MACROD2: variants seen among roughly 807,000 people sequenced by gnomAD.
MACROD2 encodes the protein ADP-ribose glycohydrolase MACROD2.
A neutral mutation model predicts 70.4 loss-of-function variants in MACROD2; 36 were observed. The observed-to-expected ratio is 0.51, with a 90% CI of 0.39 to 0.68. The LOEUF (loss-of-function observed/expected upper bound fraction) is 0.68, where lower values mean the gene tolerates loss of function less well. MACROD2 is among the 30% of genes least tolerant of loss of function. The pLI is 0.00. For missense variants in MACROD2, 496 were observed against 538.4 expected (o/e 0.92, Z 0.78); for synonymous variants, 172 against 178.8 (o/e 0.96, Z 0.30).
At chr20:15,761,180 G>A (rs537524451) in intron 8 of MACROD2, among the ~76,000 whole-genome samples, 53 of 152,246 alleles carry the variant, frequency 3.5e-4, no homozygotes, top group African/African-American at 1.3e-3. Context: ...CAAGTAGCTG[G>A]GATCACAGGC....
chr20:15,103,212 A>G (rs1362731566), intron 5 of MACROD2, among the ~76,000 whole-genome samples: 3 of 152,120 alleles, frequency 2.0e-5, no homozygotes, highest in Non-Finnish European at 4.4e-5. Context: ...CAAATTATCA[A>G]AGACCCAAGT....
intron 4 of MACROD2, among the ~76,000 whole-genome samples, chr20:14,519,388 T>C (rs2085139654): frequency 6.6e-6 from 1 of 151,850 alleles, no homozygotes; most frequent in Non-Finnish European, 1.5e-5. Flanking sequence ...ACCATGAAAT[T>C]GCACAAACTA....
intron 4 of MACROD2, among the ~76,000 whole-genome samples, chr20:14,633,965 A>C (rs1325888164): frequency 2.6e-5 from 4 of 152,130 alleles, no homozygotes; most frequent in Non-Finnish European, 4.4e-5. Flanking sequence ...TCCTTATTTC[A>C]TCTGAAGTTA....
chr20:15,323,003 A>C lies in MACROD2; in HGVS notation c.540+92942A>C, dbSNP rs1000614536. Among the ~76,000 whole-genome samples, 3 of 140,726 alleles carry C rather than the reference A, an allele frequency of 2.1e-5. No individual in the cohort carries two copies. In the Admixed American group the frequency reaches 2.2e-4, roughly 10 times the overall value. 92.3% of individuals were successfully genotyped at this position (140,726 alleles called of 152,430 possible). ...CCTGTGGTTGTGGCTAAGTTGTTCCATGGTCTCTAATGACCTCAACTATGA... is the reference window on the plus strand; with the variant it reads ...CCTGTGGTTGTGGCTAAGTTGTTCCCTGGTCTCTAATGACCTCAACTATGA... On this transcript the variant is annotated intron_variant, in intron 6 of 17. Transcript: ENST00000684519.
At chr20:14,818,851 T>TTTA in intron 5 of MACROD2, among the ~76,000 whole-genome samples, 1 of 142,242 alleles carries the variant, frequency 7.0e-6, no homozygotes, top group Admixed American at 7.4e-5. Flanking sequence ...TTTTTTTTTT[T>TTTA]GAGAGAGGAG....
intron 3 of MACROD2, among the ~76,000 whole-genome samples, chr20:14,320,408 T>G (rs1256606922): frequency 1.3e-5 from 2 of 152,220 alleles, no homozygotes; most frequent in Non-Finnish European, 2.9e-5. Context: ...CATTCATCTT[T>G]AAGCAATATT....
intron 5 of MACROD2, among the ~76,000 whole-genome samples, chr20:15,053,936 T>C (rs2075462924): frequency 1.3e-5 from 2 of 152,200 alleles, no homozygotes; most frequent in African/African-American, 2.4e-5. Context: ...CTCTTATGGA[T>C]GACTTTGAGA....
intron 5 of MACROD2, among the ~76,000 whole-genome samples, chr20:15,160,099 G>A (rs2076337401): frequency 6.6e-6 from 1 of 151,932 alleles, no homozygotes; most frequent in East Asian, 1.9e-4. Context: ...CCCTTGTAAA[G>A]TTCAAACTGT....
chr20:15,580,822 A>G (rs1361931332), intron 8 of MACROD2, among the ~76,000 whole-genome samples: 1 of 152,118 alleles, frequency 6.6e-6, no homozygotes, highest in East Asian at 1.9e-4. Flanking sequence ...GGGAGGGAGA[A>G]TTTTAGATGA....
At chr20:15,597,208 C>T (rs1257092028) in intron 8 of MACROD2, among the ~76,000 whole-genome samples, 1 of 152,138 alleles carries the variant, frequency 6.6e-6, no homozygotes, top group East Asian at 1.9e-4. Flanking sequence ...CACCTTAAGC[C>T]TAGTGAGAAA....
chr20:14,669,128 A>C (rs1218444803), intron 4 of MACROD2, among the ~76,000 whole-genome samples: 2 of 152,156 alleles, frequency 1.3e-5, no homozygotes, highest in Non-Finnish European at 2.9e-5. Context: ...AATGGAAAGA[A>C]AGAAAGTTGA....
chr20:15,525,853 C>A (rs994817714), intron 8 of MACROD2, among the ~76,000 whole-genome samples: 1 of 152,232 alleles, frequency 6.6e-6, no homozygotes, highest in African/African-American at 2.4e-5. Flanking sequence ...CTGGATACTC[C>A]TTATAGGGTA....
At chr20:15,889,820 A>T (rs1437950989) in intron 10 of MACROD2, among the ~76,000 whole-genome samples, 2 of 152,142 alleles carry the variant, frequency 1.3e-5, no homozygotes, top group Admixed American at 1.3e-4. Context: ...CAGGGGACAA[A>T]GCCATGCTCC....
chr20:14,719,392 T>A (rs1354368314), intron 5 of MACROD2, among the ~76,000 whole-genome samples: 1 of 151,030 alleles, frequency 6.6e-6, no homozygotes. Flanking sequence ...AGTTTAAGAA[T>A]TCCCAAATTC....
chr20:15,839,732 A>G (rs1441921547), intron 8 of MACROD2, among the ~76,000 whole-genome samples: 5 of 152,180 alleles, frequency 3.3e-5, no homozygotes, highest in African/African-American at 9.6e-5. Flanking sequence ...GCTTTGGATA[A>G]TAACAACACA....
intron 5 of MACROD2, among the ~76,000 whole-genome samples, chr20:14,713,563 C>T (rs935407944): frequency 2.0e-5 from 3 of 152,082 alleles, no homozygotes; most frequent in African/African-American, 7.2e-5. Flanking sequence ...CCTCCGAAAC[C>T]CTTTCCTGAT....
At chr20:15,284,371 T>G (rs2146094187) in intron 6 of MACROD2, among the ~76,000 whole-genome samples, 1 of 152,324 alleles carries the variant, frequency 6.6e-6, no homozygotes, top group South Asian at 2.1e-4. Context: ...ATATGTTCCC[T>G]TTTTTCTTGT....
intron 15 of MACROD2, among the ~76,000 whole-genome samples, chr20:16,018,415 T>A (rs1282498341): frequency 6.6e-6 from 1 of 152,212 alleles, no homozygotes; most frequent in African/African-American, 2.4e-5. Context: ...ATACTCTTTA[T>A]AGTAGCTGTT....
chr20:15,017,646 A>G (rs1405417938), intron 5 of MACROD2, among the ~76,000 whole-genome samples: 1 of 152,162 alleles, frequency 6.6e-6, no homozygotes, highest in Non-Finnish European at 1.5e-5. Flanking sequence ...CCCTGCAGCA[A>G]ACTTCTTCCT....
Sources: allele counts gnomAD v4.1 joint callset (sites outside exome capture counted in the v4.1 genomes callset), GRCh38; gene constraint gnomAD v4.1.1; transcripts MANE v1.5; gene names NCBI Gene and HGNC (gene_info 2026-07-23, HGNC 2026-07-21).